The following RAB6B variants were observed in gnomAD, a reference collection of about 807,000 sequenced individuals.
RAB6B encodes ras-related protein Rab-6B.
A neutral mutation model predicts 31.2 loss-of-function variants in RAB6B; 7 were observed. That is an observed-to-expected ratio of 0.22 (90% CI 0.13 to 0.42). The LOEUF is 0.42. Among genes scored for constraint, RAB6B ranks in the 10% least tolerant of loss-of-function variants. The probability of loss-of-function intolerance (pLI) is 1.00; values close to 1 mark genes in which losing one functional copy is unlikely to be tolerated. For missense variants in RAB6B, 149 were observed against 280.6 expected (o/e 0.53, Z 3.35); for synonymous variants, 105 against 104.9 (o/e 1.00, Z -0.01).
In RAB6B at chr3:133,838,284, A is replaced by G. The variant is rs972760373; in HGVS notation, c.402-25T>C. On this transcript the variant is annotated intron_variant, in intron 5 of 7. Transcript: ENST00000285208. Reference sequence around the variant, plus strand: ...CCTAGAGATGAGGGGAAGGGGGGAAATCAGCTCAGCAGAGAAGCAGACCCT... The same window carrying G: ...CCTAGAGATGAGGGGAAGGGGGGAAGTCAGCTCAGCAGAGAAGCAGACCCT... 6 of 1,601,176 alleles carry G rather than the reference A, an allele frequency of 3.7e-6. No individual in the cohort carries two copies. In the African/African-American group the frequency reaches 8.0e-5, roughly 21 times the overall value.
At chr3:133,831,688 C>A (rs377620066) in intron 7 of RAB6B, among the ~76,000 whole-genome samples, 1 of 152,206 alleles carries the variant, frequency 6.6e-6, no homozygotes, top group East Asian at 1.9e-4. Context: ...GGGAAACTCA[C>A]GGTTTCTCAC....
rs1297698829 is a variant in RAB6B, at chr3:133,824,788, A to G, written c.*4000T>C. 6.6e-6 allele frequency: 1 copy of G among 152,212 alleles called. No individual in the cohort carries two copies. The highest frequency in any genetic ancestry group is 6.5e-5 in the Admixed American group (1 of 15,282). The allele number at this position is 152,212 out of a possible 1,614,324, so 9.4% of individuals were successfully genotyped here. A position where few individuals can be genotyped will look rare whatever the true frequency, so the allele number is the denominator to read the frequency against. ...ACCTAGTGTCCTAACCAAAAAGAGTAGAGATGGTCTGAGGAACACACCCAC... is the reference window on the plus strand; with the variant it reads ...ACCTAGTGTCCTAACCAAAAAGAGTGGAGATGGTCTGAGGAACACACCCAC... On this transcript the variant is annotated 3_prime_UTR_variant, in exon 8 of 8. Coordinates refer to ENST00000285208, the MANE Select transcript of RAB6B (RefSeq NM_016577.4).
intron 1 of RAB6B, among the ~76,000 whole-genome samples, chr3:133,887,719 CA>C (rs1278373648): frequency 1.3e-5 from 2 of 152,190 alleles, no homozygotes; most frequent in Admixed American, 1.3e-4. Flanking sequence ...TCAGGGTCTT[CA>C]GGGCCCTGGT....
chr3:133,835,353 TTGAG>T (rs1393406620), intron 6 of RAB6B, among the ~76,000 whole-genome samples: 13 of 151,932 alleles, frequency 8.6e-5, no homozygotes, highest in African/African-American at 3.1e-4. Context: ...GGGGGAATGT[TTGAG>T]TGTGGTGTGT....
rs553750471 is a variant in RAB6B, at chr3:133,873,005, G to A, written c.71-8363C>T. 5.8e-4 allele frequency among the ~76,000 whole-genome samples: 89 copies of A among 152,214 alleles called. 4 individuals are homozygous for A. The highest frequency in any genetic ancestry group is 1.9e-3 in the African/African-American group (78 of 41,544). On this transcript the variant is annotated intron_variant, in intron 1 of 7. Transcript: ENST00000285208. ...CCTTCTCCTGCACCAGCTAGGAGGC[G>A]GACCGATGCCTGACCCTCTCACTTC...
intron 1 of RAB6B, among the ~76,000 whole-genome samples, chr3:133,869,386 A>G (rs986824210): frequency 3.9e-5 from 6 of 152,038 alleles, no homozygotes; most frequent in Non-Finnish European, 5.9e-5. Context: ...GGAGGGAGGG[A>G]GGGGCAGACA....
At chr3:133,895,332 G>T (rs954040437) in intron 1 of RAB6B, 65 bp downstream of exon 1, 9 of 1,542,522 alleles carry the variant, frequency 5.8e-6, no homozygotes, top group Non-Finnish European at 8.0e-6. Context: ...GGTCCCAATG[G>T]GGTGGGCGAT....
intron 1 of RAB6B, among the ~76,000 whole-genome samples, chr3:133,875,745 G>A (rs1559911507): frequency 6.6e-6 from 1 of 152,132 alleles, no homozygotes; most frequent in African/African-American, 2.4e-5. Context: ...GGGCACTAGG[G>A]ACAATCCATT....
chr3:133,853,950 T>C (rs1248853297), intron 2 of RAB6B, among the ~76,000 whole-genome samples: 1 of 152,234 alleles, frequency 6.6e-6, no homozygotes, highest in East Asian at 1.9e-4. Flanking sequence ...AGTGTGGTTA[T>C]GTGAAACACA....
intron 5 of RAB6B, 149 bp from the exon 6 acceptor site, chr3:133,838,408 G>C: frequency 1.4e-6 from 1 of 714,514 alleles, no homozygotes; most frequent in Non-Finnish European, 2.5e-6. Flanking sequence ...GTCCCTCCCG[G>C]GCACCAACCA....
Position 133,868,000 on chromosome 3 carries a change from G to A in RAB6B, c.71-3358C>T, listed in dbSNP as rs188031532. Among the ~76,000 whole-genome samples the A allele has an allele frequency of 1.7e-3, 262 of 152,142 alleles. 3 individuals carry two copies. Among genetic ancestry groups the A allele is most frequent in the Non-Finnish European group, 4.9e-4 (33 of 68,002 alleles). On this transcript the variant is annotated intron_variant, in intron 1 of 7. Coordinates refer to ENST00000285208, the MANE Select transcript of RAB6B (RefSeq NM_016577.4). ...GTGTTACACCCCTGCAGTGGTATCC[G>A]AGACCCTTGTCCTCCATGCTTTGTC...
chr3:133,835,529 C>G (rs1192425529), intron 6 of RAB6B, among the ~76,000 whole-genome samples: 1 of 149,706 alleles, frequency 6.7e-6, no homozygotes, highest in Non-Finnish European at 1.5e-5. Flanking sequence ...TGGCAGGGGA[C>G]AGGTGGCAAG....
chr3:133,840,560 C>T (rs988036822), intron 4 of RAB6B, among the ~76,000 whole-genome samples: 16 of 152,296 alleles, frequency 1.1e-4, no homozygotes, highest in African/African-American at 2.6e-4. Context: ...TGCACCAGCG[C>T]GGGGACATGC....
At chr3:133,840,268 C>T (rs972901254) in intron 4 of RAB6B, among the ~76,000 whole-genome samples, 2 of 152,182 alleles carry the variant, frequency 1.3e-5, no homozygotes, top group African/African-American at 4.8e-5. Context: ...GCAGCCTGAC[C>T]CCCCTCAGCT....
At chr3:133,878,644 T>C (rs1936427840) in intron 1 of RAB6B, among the ~76,000 whole-genome samples, 1 of 152,262 alleles carries the variant, frequency 6.6e-6, no homozygotes, top group South Asian at 2.1e-4. Flanking sequence ...GTAAGATCTT[T>C]CTATTATTTG....
intron 1 of RAB6B, among the ~76,000 whole-genome samples, chr3:133,895,163 G>A (rs1358523544): frequency 6.6e-6 from 1 of 152,070 alleles, no homozygotes; most frequent in East Asian, 1.9e-4. Context: ...CACACCCCGG[G>A]CCCCCCACCC....
intron 1 of RAB6B, among the ~76,000 whole-genome samples, chr3:133,879,524 A>G (rs1317440643): frequency 6.6e-6 from 1 of 152,248 alleles, no homozygotes; most frequent in East Asian, 1.9e-4. Context: ...ATGTCTGCAC[A>G]TGCACAGAGA....
intron 4 of RAB6B, 79 bp from the exon 5 acceptor site, chr3:133,839,696 G>A (rs1935793019): frequency 9.7e-7 from 1 of 1,034,070 alleles, no homozygotes; most frequent in Non-Finnish European, 1.5e-6. Flanking sequence ...TGTGAGCCAG[G>A]AGCAGGAGGG....
At chr3:133,865,962 G>C (rs1178177485) in intron 1 of RAB6B, among the ~76,000 whole-genome samples, 4 of 152,200 alleles carry the variant, frequency 2.6e-5, no homozygotes, top group African/African-American at 9.7e-5. Flanking sequence ...CTTTAACCCA[G>C]ATTTGGTTAG....
Sources: allele counts gnomAD v4.1 joint callset (sites outside exome capture counted in the v4.1 genomes callset), GRCh38; gene constraint gnomAD v4.1.1; transcripts MANE v1.5; gene names NCBI Gene and HGNC (gene_info 2026-07-23, HGNC 2026-07-21).